The following IQUB variants were observed in gnomAD, a reference collection of about 807,000 sequenced individuals.
IQUB encodes IQ motif and ubiquitin domain containing, also known as IQ motif and ubiquitin-like domain-containing protein.
In IQUB, 86 loss-of-function variants were observed where a neutral mutation model predicts 86.4. That is an observed-to-expected ratio of 1.00 (90% CI 0.84 to 1.19). IQUB has a LOEUF of 1.19. Ranked by LOEUF, IQUB falls within the 50% of genes most tolerant of loss-of-function variation. IQUB has a pLI of 0.00. For synonymous variants in IQUB, 289 were observed against 304.5 expected, an observed-to-expected ratio of 0.95 and a Z score of 0.53; for missense variants, 946 against 916.9, an observed-to-expected ratio of 1.03 and a Z score of -0.41.
intron 12 of IQUB, among the ~76,000 whole-genome samples, chr7:123,455,139 T>C (rs924060371): frequency 1.3e-5 from 2 of 152,090 alleles, no homozygotes; most frequent in African/African-American, 4.8e-5. Context: ...TAATTGTACA[T>C]ATTTACGGGG....
At position 123,464,881 on chromosome 7, in the gene IQUB, A is replaced by T. The variant is rs745321151; in HGVS notation, c.1710T>A (p.His570Gln). The T allele has an allele frequency of 6.2e-7, 1 of 1,605,612 alleles. No homozygotes were observed. Among genetic ancestry groups the T allele is most frequent in the Admixed American group, 1.7e-5 (1 of 58,240 alleles). The stretch of plus-strand genomic sequence containing the variant: ...GATTAAACAGAGGTGTTTTGATATA[A>T]TGAAAAAAGAGTGTCGCAATTCTTT... ...LRKRIATLFF[H>Q]YIKTPLFNPE... Residue 570 changes from histidine to glutamine, a missense_variant, in exon 10 of 13, where the codon CAT becomes CAA. Transcript: ENST00000324698.
At chr7:123,527,510 T>C (rs1265237111) in intron 1 of IQUB, among the ~76,000 whole-genome samples, 2 of 152,224 alleles carry the variant, frequency 1.3e-5, no homozygotes, top group Non-Finnish European at 2.9e-5. Flanking sequence ...ATGTCCTTTC[T>C]GTTTGTTAGT....
chr7:123,521,584 T>C lies in IQUB; in HGVS notation c.-4-9240A>G, dbSNP rs573215404. Reference sequence around the variant, plus strand: ...ATCGCTTCAGCCAGGGCGGTGGAGATTGTAGTGAGCCAAGATCTCACCACT... The same window carrying C: ...ATCGCTTCAGCCAGGGCGGTGGAGACTGTAGTGAGCCAAGATCTCACCACT... On this transcript the variant is annotated intron_variant, in intron 1 of 12. Coordinates refer to ENST00000324698, the MANE Select transcript of IQUB (RefSeq NM_178827.5). 4.6e-5 allele frequency among the ~76,000 whole-genome samples: 7 copies of C among 151,000 alleles called. No homozygotes were observed. The South Asian group carries it at 8.4e-4, about 18-fold the overall frequency.
intron 1 of IQUB, among the ~76,000 whole-genome samples, chr7:123,513,751 T>G (rs903360930): frequency 6.6e-6 from 1 of 152,158 alleles, no homozygotes; most frequent in Non-Finnish European, 1.5e-5. Flanking sequence ...CAGTTTCAAG[T>G]GATTCTCCTG....
In IQUB at chr7:123,492,396, A is replaced by T. The variant is rs191582475; in HGVS notation, c.1234+4300T>A. 3.4e-3 allele frequency among the ~76,000 whole-genome samples: 518 copies of T among 152,290 alleles called. 3 individuals are homozygous for T. The highest frequency in any genetic ancestry group is 5.7e-3 in the Non-Finnish European group (389 of 68,020). ...ATTTCAAACTGGATGTTATACCTAA[A>T]TTCAAAATATAACACTATAAAACTT... On this transcript the variant is annotated intron_variant, in intron 7 of 12. Transcript: ENST00000324698.
intron 8 of IQUB, among the ~76,000 whole-genome samples, chr7:123,478,354 TA>T (rs1397609933): frequency 5.3e-5 from 8 of 152,008 alleles, no homozygotes; most frequent in Non-Finnish European, 1.0e-4. Flanking sequence ...TTCTCACTTA[TA>T]GGTGGGAAGT....
In IQUB at chr7:123,511,975, C is replaced by T. The variant is rs142510309; in HGVS notation, c.366G>A (p.Leu122=). Residue 122 remains leucine, a synonymous_variant, in exon 2 of 13, where the codon TTG becomes TTA. Coordinates refer to ENST00000324698, the MANE Select transcript of IQUB (RefSeq NM_178827.5). ...LDKIKSVKES[L]QESVEDSLAT... ...CTAGAGAATCTTCCACTGATTCTTG[C>T]AAAGATTCCTTTACAGACTTTATTT... 6 of 1,608,942 alleles carry T rather than the reference C, an allele frequency of 3.7e-6. No individual in the cohort carries two copies. Among genetic ancestry groups the T allele is most frequent in the Non-Finnish European group, 4.3e-6 (5 of 1,176,282 alleles).
At chr7:123,530,873 C>T (rs1797506882) in intron 1 of IQUB, among the ~76,000 whole-genome samples, 1 of 151,988 alleles carries the variant, frequency 6.6e-6, no homozygotes, top group East Asian at 1.9e-4. Context: ...GACGGGGTTT[C>T]ACCATGTTGG....
Position 123,452,607 on chromosome 7 carries a change from T to C in IQUB, c.*136A>G, listed in dbSNP as rs1311579648. Reference sequence around the variant, plus strand: ...TATATAGAAATGTTTTCTCTTTATATAACTCAAAATACTATGAAAAACAAA... The same window carrying C: ...TATATAGAAATGTTTTCTCTTTATACAACTCAAAATACTATGAAAAACAAA... On this transcript the variant is annotated 3_prime_UTR_variant, in exon 13 of 13. Transcript: ENST00000324698. 1 of 473,374 alleles carries C rather than the reference T, an allele frequency of 2.1e-6. No homozygotes were observed. The highest frequency in any genetic ancestry group is 3.6e-6 in the Non-Finnish European group (1 of 280,368). 29.3% of individuals were successfully genotyped at this position (473,374 alleles called of 1,614,324 possible). A position where few individuals can be genotyped will look rare whatever the true frequency, so the allele number is the denominator to read the frequency against.
intron 7 of IQUB, among the ~76,000 whole-genome samples, chr7:123,493,553 A>G (rs1271552992): frequency 2.0e-5 from 3 of 152,128 alleles, no homozygotes; most frequent in African/African-American, 7.2e-5. Flanking sequence ...AAAAAGACAG[A>G]AGCGTCCAAT....
chr7:123,458,771 AT>A (rs1793840161), intron 11 of IQUB, among the ~76,000 whole-genome samples: 1 of 151,994 alleles, frequency 6.6e-6, no homozygotes, highest in South Asian at 2.1e-4. Flanking sequence ...TCAAGTAGTC[AT>A]TGTACTTGAA....
intron 12 of IQUB, among the ~76,000 whole-genome samples, chr7:123,455,366 C>A (rs1471709179): frequency 2.0e-5 from 3 of 152,092 alleles, no homozygotes; most frequent in African/African-American, 7.2e-5. Context: ...CTTAACAAAT[C>A]TCTCCCTGTT....
chr7:123,507,886 T>A (rs897346358), intron 3 of IQUB, among the ~76,000 whole-genome samples: 3 of 145,640 alleles, frequency 2.1e-5, no homozygotes, highest in Non-Finnish European at 3.1e-5. Flanking sequence ...AAAAAAAAAA[T>A]TAACATGAAT....
At chr7:123,473,444 A>G (rs1794619366) in intron 8 of IQUB, among the ~76,000 whole-genome samples, 1 of 152,224 alleles carries the variant, frequency 6.6e-6, no homozygotes, top group African/African-American at 2.4e-5. Context: ...CAGAAATTCA[A>G]ATGGTCTCTA....
In IQUB at chr7:123,469,336, T is replaced by C. The variant is rs201399136; in HGVS notation, c.1459A>G (p.Met487Val). Residue 487 changes from methionine to valine, a missense_variant, in exon 9 of 13, where the codon ATG becomes GTG. Met to Val is a conservative substitution (Grantham distance 21, BLOSUM62 1). Coordinates refer to ENST00000324698, the MANE Select transcript of IQUB (RefSeq NM_178827.5). The part of the protein sequence containing the change: ...WRTPNGKTIE[M>V]DTQFTIRARE... The stretch of plus-strand genomic sequence containing the variant: ...GCTCTGATGGTGAACTGCGTATCCA[T>C]CTCAATTGTTTTGCCATTAGGGGTT... 19 of 1,607,982 alleles carry C rather than the reference T, an allele frequency of 1.2e-5. No homozygotes were observed. The highest frequency in any genetic ancestry group is 1.6e-5 in the Non-Finnish European group (19 of 1,176,928).
At chr7:123,483,368 G>C (rs555420483) in intron 7 of IQUB, among the ~76,000 whole-genome samples, 2 of 152,204 alleles carry the variant, frequency 1.3e-5, no homozygotes, top group Admixed American at 6.5e-5. Flanking sequence ...TTCAGATGGA[G>C]ATTATTATTA....
chr7:123,484,793 C>A (rs1327070698), intron 7 of IQUB, among the ~76,000 whole-genome samples: 1 of 152,002 alleles, frequency 6.6e-6, no homozygotes, highest in Non-Finnish European at 1.5e-5. Context: ...AACAACCCAA[C>A]CAAGCTGACG....
chr7:123,499,118 C>T (rs10282084), intron 6 of IQUB, among the ~76,000 whole-genome samples: 40,045 of 150,632 alleles, frequency 0.27, 5,429 homozygotes, highest in East Asian at 0.32. Flanking sequence ...TCCTTTTTTT[C>T]TTTTTTTCTT....
chr7:123,511,550 T>C (rs1262754384), intron 2 of IQUB, among the ~76,000 whole-genome samples: 1 of 152,190 alleles, frequency 6.6e-6, no homozygotes, highest in Non-Finnish European at 1.5e-5. Flanking sequence ...GAAAAATCCA[T>C]TGTCTAGTTC....
Sources: allele counts gnomAD v4.1 joint callset (sites outside exome capture counted in the v4.1 genomes callset), GRCh38; gene constraint gnomAD v4.1.1; transcripts MANE v1.5; gene names NCBI Gene and HGNC (gene_info 2026-07-23, HGNC 2026-07-21).